SUGP1: variants seen among roughly 807,000 people sequenced by gnomAD.
The protein encoded by SUGP1 is SURP and G-patch domain-containing protein 1.
A neutral mutation model predicts 76.5 loss-of-function variants in SUGP1; 34 were observed. The observed-to-expected ratio is 0.44, with a 90% CI of 0.34 to 0.59. The LOEUF (loss-of-function observed/expected upper bound fraction) is 0.59, where lower values mean the gene tolerates loss of function less well. Among genes scored for constraint, SUGP1 ranks in the 20% least tolerant of loss-of-function variants. SUGP1 has a pLI of 0.01. For synonymous variants in SUGP1, 326 were observed against 326.2 expected (o/e 1.00, Z 0.01); for missense variants, 752 against 851.7 (o/e 0.88, Z 1.46).
At chr19:19,276,918 G>C in intron 13 of SUGP1, 29 bp downstream of exon 13, 4 of 1,611,678 alleles carry the variant, frequency 2.5e-6, no homozygotes, top group Non-Finnish European at 3.4e-6. Flanking sequence ...TGTCGACTGA[G>C]CAAAGGCAGC....
At chr19:19,309,505 C>T (rs2146623650) in intron 3 of SUGP1, among the ~76,000 whole-genome samples, 1 of 152,194 alleles carries the variant, frequency 6.6e-6, no homozygotes, top group South Asian at 2.1e-4. Context: ...ACTGGCCGGG[C>T]GGAGTGGCTC....
At chr19:19,309,649 G>A (rs1420496701) in intron 3 of SUGP1, among the ~76,000 whole-genome samples, 3 of 152,132 alleles carry the variant, frequency 2.0e-5, no homozygotes, top group African/African-American at 4.8e-5. Flanking sequence ...AGTGGCTCAC[G>A]CCTGTAATCC....
intron 2 of SUGP1, among the ~76,000 whole-genome samples, chr19:19,311,002 G>A (rs1445601261): frequency 5.3e-5 from 8 of 151,466 alleles, no homozygotes; most frequent in Admixed American, 5.3e-4. Flanking sequence ...GAGTGCAATG[G>A]TGCGATAACA....
intron 3 of SUGP1, among the ~76,000 whole-genome samples, chr19:19,306,558 TTTC>T (rs2061319438): frequency 6.6e-6 from 1 of 152,222 alleles, no homozygotes; most frequent in Non-Finnish European, 1.5e-5. Flanking sequence ...TGGGTTAACT[TTTC>T]TTAGCTGTTC....
At position 19,276,994 on chromosome 19, in the gene SUGP1, A is replaced by G; in HGVS notation, c.1864T>C (p.Phe622Leu). 1 of 1,613,088 alleles carries G rather than the reference A, an allele frequency of 6.2e-7. No homozygotes were observed. Among genetic ancestry groups the G allele is most frequent in the Non-Finnish European group, 8.5e-7 (1 of 1,180,018 alleles). ...TAGGCCAGCATCATCCTCTTGCGGA[A>G]CGCCTCATACTCGTCGTCCTCCTTG... Reference protein sequence around the residue: ...LSKEDDEYEAFRKRMMLAYRF... With the variant: ...LSKEDDEYEALRKRMMLAYRF... The change falls in exon 13 of 14, where the codon TTC becomes CTC. Residue 622 changes from phenylalanine (F) to leucine (L), a missense_variant. By Grantham distance (22) the Phe-to-Leu change is conservative. Coordinates refer to ENST00000247001, the MANE Select transcript of SUGP1 (RefSeq NM_172231.4).
intron 8 of SUGP1, among the ~76,000 whole-genome samples, chr19:19,294,148 C>T (rs1400755368): frequency 6.6e-6 from 1 of 151,516 alleles, no homozygotes; most frequent in Non-Finnish European, 1.5e-5. Flanking sequence ...CATCATGCCA[C>T]GGCACTCCAG....
intron 1 of SUGP1, among the ~76,000 whole-genome samples, chr19:19,318,656 C>T (rs1433175708): frequency 1.3e-5 from 2 of 152,106 alleles, no homozygotes; most frequent in Non-Finnish European, 2.9e-5. Context: ...TCTTGAACTC[C>T]TGTCCTCAAG....
At chr19:19,295,940 C>T (rs1197043211) in intron 8 of SUGP1, among the ~76,000 whole-genome samples, 1 of 152,140 alleles carries the variant, frequency 6.6e-6, no homozygotes, top group Non-Finnish European at 1.5e-5. Flanking sequence ...GGTCAATAAG[C>T]ATATGAAAAT....
intron 4 of SUGP1, 40 bp downstream of exon 4, chr19:19,305,809 G>T (rs532710276): frequency 1.3e-6 from 2 of 1,556,200 alleles, no homozygotes; most frequent in Non-Finnish European, 1.7e-6. Flanking sequence ...GCTAGAGCAC[G>T]GGCACTGGTG....
At chr19:19,288,828 T>C (rs1302343825) in intron 8 of SUGP1, among the ~76,000 whole-genome samples, 1 of 152,112 alleles carries the variant, frequency 6.6e-6, no homozygotes, top group Non-Finnish European at 1.5e-5. Flanking sequence ...CTCTGTTACC[T>C]GGGCTGGAGT....
chr19:19,306,517 A>T (rs1202437906), intron 3 of SUGP1, among the ~76,000 whole-genome samples: 3 of 152,210 alleles, frequency 2.0e-5, no homozygotes, highest in Admixed American at 1.3e-4. Context: ...GACTCAAACC[A>T]GCCTTCCTCA....
intron 12 of SUGP1, 147 bp downstream of exon 12, chr19:19,277,587 G>C: frequency 9.0e-7 from 1 of 1,108,586 alleles, no homozygotes; most frequent in Non-Finnish European, 1.3e-6. Flanking sequence ...CTGCAGGCCT[G>C]TGCCTGACAA....
intron 8 of SUGP1, among the ~76,000 whole-genome samples, chr19:19,290,123 T>C (rs1340860069): frequency 3.9e-5 from 6 of 151,926 alleles, no homozygotes; most frequent in Non-Finnish European, 7.4e-5. Flanking sequence ...TGACCCGCCA[T>C]CACACAAGAA....
intron 8 of SUGP1, among the ~76,000 whole-genome samples, chr19:19,290,293 A>G (rs757620965): frequency 2.0e-5 from 3 of 152,190 alleles, no homozygotes; most frequent in Non-Finnish European, 2.9e-5. Context: ...AAATCTATAC[A>G]AGGAGAACTG....
At chr19:19,306,768 A>G (rs2061321216) in intron 3 of SUGP1, among the ~76,000 whole-genome samples, 1 of 152,216 alleles carries the variant, frequency 6.6e-6, no homozygotes, top group African/African-American at 2.4e-5. Flanking sequence ...ATTGCTGCCC[A>G]CTGGAGAAGG....
chr19:19,297,373 T>G (rs2061235936), intron 7 of SUGP1, 29 bp from the exon 8 acceptor site: 3 of 1,339,756 alleles, frequency 2.2e-6, no homozygotes, highest in Non-Finnish European at 3.0e-6. Flanking sequence ...GGGTGCAGTG[T>G]CAGCTGGGCC....
At chr19:19,277,596 A>G (rs1034722433) in intron 12 of SUGP1, 138 bp downstream of exon 12, 1 of 1,171,934 alleles carries the variant, frequency 8.5e-7, no homozygotes. Context: ...TGTGCCTGAC[A>G]AGGGGTGTGC....
chr19:19,306,252 A>G (rs1173297803), intron 3 of SUGP1, among the ~76,000 whole-genome samples, 176 bp from the exon 4 acceptor site: 1 of 152,082 alleles, frequency 6.6e-6, no homozygotes, highest in Admixed American at 6.5e-5. Context: ...AAAGAGCAAA[A>G]GGACTCGTTG....
chr19:19,281,278 G>A (rs1297367348), intron 8 of SUGP1: 1 of 152,266 alleles, frequency 6.6e-6, no homozygotes, highest in Non-Finnish European at 1.5e-5. Flanking sequence ...TTTGGAGCCT[G>A]TTCTGTCCAA....
Sources: gnomAD v4.1 joint callset for allele counts (sites outside exome capture counted in the v4.1 genomes callset) on GRCh38, gnomAD v4.1.1 for gene constraint, MANE v1.5 for transcripts, NCBI Gene and HGNC (gene_info 2026-07-23, HGNC 2026-07-21) for gene names.